Variants in MYO5A observed in about 807,000 individuals in gnomAD.
The protein encoded by MYO5A is unconventional myosin-Va.
A neutral mutation model predicts 249.7 loss-of-function variants in MYO5A; 98 were observed. That is an observed-to-expected ratio of 0.39 (90% CI 0.33 to 0.46). The LOEUF (loss-of-function observed/expected upper bound fraction) is 0.46, where lower values mean the gene tolerates loss of function less well. Ranked by LOEUF, MYO5A falls within the 20% of genes least tolerant of loss-of-function variation. The pLI is 0.98. For missense variants in MYO5A, 1,696 were observed against 2,308.8 expected (o/e 0.73, Z 5.44); for synonymous variants, 778 against 810.6 (o/e 0.96, Z 0.68).
chr15:52,414,117 T>G (rs1395236117), intron 5 of MYO5A, among the ~76,000 whole-genome samples: 9 of 152,162 alleles, frequency 5.9e-5, no homozygotes, highest in Non-Finnish European at 1.3e-4. Context: ...TCTGTGAGAC[T>G]GGATTAGTTC....
At chr15:52,404,628 G>A (rs1032570377) in intron 9 of MYO5A, among the ~76,000 whole-genome samples, 1 of 152,178 alleles carries the variant, frequency 6.6e-6, no homozygotes, top group African/African-American at 2.4e-5. Context: ...TACAATAAAG[G>A]AAAGCAGAAG....
At chr15:52,377,892 G>A (rs966951452) in intron 18 of MYO5A, among the ~76,000 whole-genome samples, 3 of 152,056 alleles carry the variant, frequency 2.0e-5, no homozygotes, top group Non-Finnish European at 2.9e-5. Flanking sequence ...AAGTCTAAGG[G>A]AAAACAGAGA....
chr15:52,384,130 G>T (rs372782444), intron 15 of MYO5A, 31 bp downstream of exon 15: 542 of 1,613,580 alleles, frequency 3.4e-4, no homozygotes, highest in Non-Finnish European at 4.1e-4. Flanking sequence ...AGAAAGGAAG[G>T]AGCGTGGCAG....
chr15:52,356,809 T>A (rs1386824093), intron 25 of MYO5A, among the ~76,000 whole-genome samples: 8 of 125,936 alleles, frequency 6.4e-5, no homozygotes, highest in African/African-American at 1.6e-4. Context: ...ACTTTTTTTT[T>A]TTTTTTTTTA....
At chr15:52,341,542 T>C (rs1414831495) in intron 31 of MYO5A, among the ~76,000 whole-genome samples, 1 of 152,246 alleles carries the variant, frequency 6.6e-6, no homozygotes, top group Non-Finnish European at 1.5e-5. Context: ...TGCAAAGTTA[T>C]GGTTAAGAAC....
intron 24 of MYO5A, among the ~76,000 whole-genome samples, chr15:52,364,130 C>T (rs943978866): frequency 5.9e-5 from 9 of 151,704 alleles, no homozygotes; most frequent in Admixed American, 2.6e-4. Flanking sequence ...CCCAGCTACT[C>T]GGGAGGCTGA....
intron 16 of MYO5A, among the ~76,000 whole-genome samples, chr15:52,381,563 T>C (rs1186138506): frequency 6.6e-6 from 1 of 152,214 alleles, no homozygotes; most frequent in African/African-American, 2.4e-5. Flanking sequence ...AGGATGTTTA[T>C]TATAGCATTG....
intron 1 of MYO5A, among the ~76,000 whole-genome samples, chr15:52,520,296 C>T (rs866270893): frequency 6.6e-5 from 10 of 152,146 alleles, no homozygotes; most frequent in Admixed American, 3.3e-4. Context: ...AGTGCCCTGT[C>T]CTCCCCCTGG....
intron 1 of MYO5A, among the ~76,000 whole-genome samples, chr15:52,444,433 C>T (rs10851514): frequency 0.15 from 22,868 of 152,134 alleles, 1,826 homozygotes; most frequent in Middle Eastern, 0.22. Context: ...CTTTACTTAA[C>T]CTCATAATAT....
Position 52,311,741 on chromosome 15 carries a change from T to C in MYO5A, c.*1955A>G, listed in dbSNP as rs540604649. ...TACTGAGTAACTGCAGCTTTTTCTC[T>C]CTAGAATCTAAGGGCTGAGAAGAGA... On this transcript the variant is annotated 3_prime_UTR_variant, in exon 42 of 42. Transcript: ENST00000399233. The C allele has an allele frequency of 1.3e-5, 2 of 152,568 alleles. No individual in the cohort carries two copies. The highest frequency in any genetic ancestry group is 4.8e-5 in the African/African-American group (2 of 41,572). The allele number at this position is 152,568 out of a possible 1,614,324, so 9.5% of individuals were successfully genotyped here.
At chr15:52,524,247 T>G (rs2077685319) in intron 1 of MYO5A, among the ~76,000 whole-genome samples, 1 of 152,122 alleles carries the variant, frequency 6.6e-6, no homozygotes, top group African/African-American at 2.4e-5. Flanking sequence ...ACAAAAAAAT[T>G]AAAACTTTTT....
intron 36 of MYO5A, 75 bp downstream of exon 36, chr15:52,327,777 G>T: frequency 7.1e-7 from 1 of 1,412,818 alleles, no homozygotes; most frequent in Non-Finnish European, 1.0e-6. Flanking sequence ...AAACTCTAAG[G>T]AAGGAAGATC....
intron 1 of MYO5A, among the ~76,000 whole-genome samples, chr15:52,510,275 T>C (rs1384159652): frequency 6.6e-6 from 1 of 152,200 alleles, no homozygotes; most frequent in Non-Finnish European, 1.5e-5. Flanking sequence ...AACTACTCCA[T>C]CTATTTCACC....
intron 1 of MYO5A, among the ~76,000 whole-genome samples, chr15:52,433,629 C>T (rs1416020654): frequency 1.3e-5 from 2 of 151,928 alleles, no homozygotes; most frequent in Non-Finnish European, 2.9e-5. Flanking sequence ...CCATATTGGC[C>T]AAGCTGGTCT....
chr15:52,490,507 A>G (rs1436392234), intron 1 of MYO5A, among the ~76,000 whole-genome samples: 1 of 152,224 alleles, frequency 6.6e-6, no homozygotes, highest in Non-Finnish European at 1.5e-5. Context: ...ACATTACGCC[A>G]TATGAAATAA....
intron 1 of MYO5A, among the ~76,000 whole-genome samples, chr15:52,456,869 G>A (rs61617647): frequency 0.15 from 22,862 of 152,058 alleles, 1,829 homozygotes; most frequent in Middle Eastern, 0.22. Flanking sequence ...GTAGAAGTAA[G>A]CATTGGGCAA....
rs565960100 is a variant in MYO5A at position 52,452,664 on chromosome 15, C to A, written c.28-19379G>T. ...ACAGGATATTCCCTTTGGGACCATCCTCATTCAGGATGGGCAGCACTCAGA... is the reference window on the plus strand; with the variant it reads ...ACAGGATATTCCCTTTGGGACCATCATCATTCAGGATGGGCAGCACTCAGA... On this transcript the variant is annotated intron_variant, in intron 1 of 41. Coordinates refer to ENST00000399233, the MANE Select transcript of MYO5A (RefSeq NM_001382347.1). 1.1e-3 allele frequency among the ~76,000 whole-genome samples: 160 copies of A among 152,032 alleles called. 1 individual carries two copies. Among genetic ancestry groups the A allele is most frequent in the African/African-American group, 3.8e-3 (157 of 41,468 alleles).
intron 32 of MYO5A, among the ~76,000 whole-genome samples, chr15:52,338,133 C>A (rs2039205997): frequency 6.6e-6 from 1 of 151,076 alleles, no homozygotes; most frequent in Non-Finnish European, 1.5e-5. Context: ...CATCACTTAG[C>A]AGGCCCAGAT....
rs2042956980 is a variant in MYO5A, at chr15:52,405,313, G to A, written c.1027C>T (p.Arg343Ter). 3.1e-6 allele frequency: 5 copies of A among 1,613,258 alleles called. No individual in the cohort carries two copies. The highest frequency in any genetic ancestry group is 4.2e-6 in the Non-Finnish European group (5 of 1,179,288). The change falls in exon 9 of 42, where the codon CGA (arginine) becomes TGA (stop). Residue 343 changes from arginine to a stop codon, truncating the protein, a stop_gained. Coordinates refer to ENST00000399233, the MANE Select transcript of MYO5A (RefSeq NM_001382347.1). LOFTEE classifies it high-confidence loss of function. ...LHLGNVGFTS[R>*]DADSCTIPPK... ...GGTATTGTGCAGCTGTCTGCATCTCGGGATGTAAATCCAACATTGCCTAAG... is the reference window on the plus strand; with the variant it reads ...GGTATTGTGCAGCTGTCTGCATCTCAGGATGTAAATCCAACATTGCCTAAG...
Sources: allele counts gnomAD v4.1 joint callset (sites outside exome capture counted in the v4.1 genomes callset), GRCh38; gene constraint gnomAD v4.1.1; transcripts MANE v1.5; gene names NCBI Gene and HGNC (gene_info 2026-07-23, HGNC 2026-07-21).